Variants in RSL1D1 observed in about 807,000 individuals in gnomAD.
The protein encoded by RSL1D1 is ribosomal L1 domain-containing protein 1.
RSL1D1 carries 34 observed loss-of-function variants against 44.6 expected under a neutral mutation model. The observed-to-expected ratio is 0.76, with a 90% confidence interval of 0.58 to 1.02. The LOEUF (loss-of-function observed/expected upper bound fraction) is 1.02. Among genes scored for constraint, RSL1D1 ranks in the 50% least tolerant of loss-of-function variants. The probability of loss-of-function intolerance (pLI) is 0.00; values close to 1 mark genes in which losing one functional copy is unlikely to be tolerated. For synonymous variants in RSL1D1, 271 were observed against 207.4 expected (o/e 1.31, Z -2.63); for missense variants, 767 against 568.1 (o/e 1.35, Z -3.56).
chr16:11,837,641 C>A lies in RSL1D1; in HGVS notation c.*146G>T. 1 of 741,768 alleles carries A rather than the reference C, an allele frequency of 1.3e-6. No homozygotes were observed. The highest frequency in any genetic ancestry group is 2.2e-6 in the Non-Finnish European group (1 of 449,408). 45.9% of individuals were successfully genotyped at this position (741,768 alleles called of 1,614,324 possible). ...CTGGGATTACAGGCGTGAGCCACCG[C>A]CCCTGGACTACTTATGGAGGTTTTA... On this transcript the variant is annotated 3_prime_UTR_variant, in exon 9 of 9. Transcript: ENST00000571133.
intron 3 of RSL1D1, 83 bp downstream of exon 3, chr16:11,847,585 G>C: frequency 8.8e-7 from 1 of 1,141,090 alleles, no homozygotes; most frequent in South Asian, 1.5e-5. Context: ...AAAATACTAG[G>C]AAATATAGCA....
At position 11,837,773 on chromosome 16, in the gene RSL1D1, T is replaced by C. The variant is rs758028718; in HGVS notation, c.*14A>G. Reference sequence around the variant, plus strand: ...AGGCAGCATTGAGGTTTCCTTCCAGTTGAATCACTGACTTTAGGTCGACTG... The same window carrying C: ...AGGCAGCATTGAGGTTTCCTTCCAGCTGAATCACTGACTTTAGGTCGACTG... On this transcript the variant is annotated 3_prime_UTR_variant, in exon 9 of 9. Transcript: ENST00000571133. 4.4e-6 allele frequency: 7 copies of C among 1,587,152 alleles called. No individual in the cohort carries two copies. The highest frequency in any genetic ancestry group is 2.2e-5 in the East Asian group (1 of 44,634).
intron 8 of RSL1D1, among the ~76,000 whole-genome samples, chr16:11,838,461 C>T (rs1423706907): frequency 6.6e-6 from 1 of 152,088 alleles, no homozygotes; most frequent in Non-Finnish European, 1.5e-5. Context: ...CTGTGCCCGG[C>T]CAAGTTACTG....
chr16:11,851,276 C>G, intron 1 of RSL1D1, 132 bp downstream of exon 1: 1 of 836,784 alleles, frequency 1.2e-6, no homozygotes, highest in Non-Finnish European at 2.0e-6. Context: ...ACAGCTGAGG[C>G]ACACGGCCCG....
In RSL1D1 at chr16:11,851,421, A is replaced by C; in HGVS notation, c.92T>G (p.Leu31Arg). 1 of 1,614,072 alleles carries C rather than the reference A, an allele frequency of 6.2e-7. No individual in the cohort carries two copies. The highest frequency in any genetic ancestry group is 8.5e-7 in the Non-Finnish European group (1 of 1,179,938). ...GGAACCACTCACCTGTTCTTTATCC[A>C]GCTGCTTCCGTGCTGTCGGGGCCGC... ...TPAAPTARKQ[L>R]DKEQVRKAVD... The change falls in exon 1 of 9, where the codon CTG becomes CGG. Residue 31 changes from leucine (L) to arginine (R), a missense_variant. Physicochemically the swap from Leu to Arg is moderately radical, Grantham distance 102. Transcript: ENST00000571133.
At chr16:11,849,224 G>A (rs528230957) in intron 2 of RSL1D1, 3 of 152,110 alleles carry the variant, frequency 2.0e-5, no homozygotes, top group African/African-American at 7.2e-5. Flanking sequence ...TCTCCACAAA[G>A]ATTTCAAAAT....
chr16:11,848,254 A>C (rs1393982386), intron 2 of RSL1D1, among the ~76,000 whole-genome samples: 2 of 152,222 alleles, frequency 1.3e-5, no homozygotes, highest in African/African-American at 4.8e-5. Context: ...ACTCCGTCTC[A>C]AAACACAAAA....
In RSL1D1 at chr16:11,835,166, T is replaced by G. The variant is rs1055426526; in HGVS notation, c.*2621A>C. 1.3e-5 allele frequency: 2 copies of G among 152,102 alleles called. No individual in the cohort carries two copies. The highest frequency in any genetic ancestry group is 2.4e-5 in the African/African-American group (1 of 41,390). 9.4% of individuals were successfully genotyped at this position (152,102 alleles called of 1,614,324 possible). ...GCAAAAGCAGGCTAGACTCCTCTAATTTCAGGGAGAGCTAGATGTTTTTTT... is the reference window on the plus strand; with the variant it reads ...GCAAAAGCAGGCTAGACTCCTCTAAGTTCAGGGAGAGCTAGATGTTTTTTT... On this transcript the variant is annotated 3_prime_UTR_variant, in exon 9 of 9. Transcript: ENST00000571133.
chr16:11,851,300 C>T, intron 1 of RSL1D1, 108 bp downstream of exon 1: 1 of 1,065,156 alleles, frequency 9.4e-7, no homozygotes, highest in Non-Finnish European at 1.5e-6. Flanking sequence ...GCGACCGTCC[C>T]ACAGCCCCGG....
At chr16:11,843,184 C>T (rs1293022852) in intron 5 of RSL1D1, among the ~76,000 whole-genome samples, 1 of 151,528 alleles carries the variant, frequency 6.6e-6, no homozygotes, top group Non-Finnish European at 1.5e-5. Context: ...ATCCGCCTGC[C>T]TCGGCCTCTC....
chr16:11,839,596 A>C, intron 8 of RSL1D1, 99 bp downstream of exon 8: 1 of 1,500,204 alleles, frequency 6.7e-7, no homozygotes, highest in Non-Finnish European at 8.8e-7. Flanking sequence ...CTTTGGGTTC[A>C]CTCTAGTATT....
At chr16:11,841,365 G>T (rs1186748204) in intron 7 of RSL1D1, 1 of 221,870 alleles carries the variant, frequency 4.5e-6, no homozygotes, top group Non-Finnish European at 9.1e-6. Flanking sequence ...CCTTGATCAC[G>T]TCACTGTGCT....
chr16:11,847,278 G>A (rs1205685936), intron 3 of RSL1D1, among the ~76,000 whole-genome samples: 2 of 152,138 alleles, frequency 1.3e-5, no homozygotes, highest in East Asian at 1.9e-4. Flanking sequence ...GGTAGGCTGA[G>A]GTGGGAGAAT....
At chr16:11,847,313 T>G (rs2053805947) in intron 3 of RSL1D1, among the ~76,000 whole-genome samples, 1 of 152,124 alleles carries the variant, frequency 6.6e-6, no homozygotes, top group Non-Finnish European at 1.5e-5. Flanking sequence ...AGGTGGAGGT[T>G]GCAGTGAGCC....
chr16:11,849,345 A>T (rs1290462700), intron 2 of RSL1D1: 3 of 151,148 alleles, frequency 2.0e-5, no homozygotes, highest in Admixed American at 1.3e-4. Flanking sequence ...CACAGATCTC[A>T]CTATTGTACT....
At position 11,846,431 on chromosome 16, in the gene RSL1D1, G is replaced by C. The variant is rs1015499331; in HGVS notation, c.635+70C>G. The C allele has an allele frequency of 3.6e-6, 3 of 823,204 alleles. No homozygotes were observed. The East Asian group carries it at 7.9e-5, about 22-fold the overall frequency. 51.0% of individuals were successfully genotyped at this position (823,204 alleles called of 1,614,324 possible). ...ACAAAAACAAAAAACAAAACAAAAC[G>C]AATAAGTATATATAAAATCATTGTC... On this transcript the variant is annotated intron_variant, in intron 5 of 8. Transcript: ENST00000571133.
Position 11,834,816 on chromosome 16 carries a change from C to T in RSL1D1, c.*2971G>A, listed in dbSNP as rs2053705481. On this transcript the variant is annotated 3_prime_UTR_variant, in exon 9 of 9. Coordinates refer to ENST00000571133, the MANE Select transcript of RSL1D1 (RefSeq NM_015659.3). ...AAAGTTAACATTACAATTTGTGTTA[C>T]TAAAATGCAAAAACAGGATTGGCAT... is the stretch of plus-strand genomic sequence containing the variant. 6.6e-6 allele frequency: 1 copy of T among 152,178 alleles called. No individual in the cohort carries two copies. The highest frequency in any genetic ancestry group is 2.4e-5 in the African/African-American group (1 of 41,430). The allele number at this position is 152,178 out of a possible 1,614,324, so 9.4% of individuals were successfully genotyped here. A position where few individuals can be genotyped will look rare whatever the true frequency, so the allele number is the denominator to read the frequency against.
rs757989087 is a variant in RSL1D1 at position 11,851,438 on chromosome 16, C to T, written c.75G>A (p.Pro25=). ...TGTSTSTPAA[P]TARKQLDKEQ... is the part of the protein sequence containing the mutation. ...CTTTATCCAGCTGCTTCCGTGCTGT[C>T]GGGGCCGCTGGAGTCGAGGTGGAGG... The change falls in exon 1 of 9, where the codon CCG becomes CCA. Residue 25 remains proline, a synonymous_variant. Coordinates refer to ENST00000571133, the MANE Select transcript of RSL1D1 (RefSeq NM_015659.3). 2 of 1,614,116 alleles carry T rather than the reference C, an allele frequency of 1.2e-6. No homozygotes were observed. Among genetic ancestry groups the T allele is most frequent in the Non-Finnish European group, 1.7e-6 (2 of 1,179,970 alleles).
rs149735121 is a variant in RSL1D1 at position 11,838,024 on chromosome 16, T to C, written c.1236A>G (p.Ala412=). 2,942 of 1,614,038 alleles carry C rather than the reference T, an allele frequency of 1.8e-3. 8 individuals carry two copies. Among genetic ancestry groups the C allele is most frequent in the Admixed American group, 3.3e-3 (195 of 59,978 alleles). Residue 412 remains alanine, a synonymous_variant, in exon 9 of 9, where the codon GCA becomes GCG. Transcript: ENST00000571133. The part of the protein sequence containing the change: ...PRGKKRKALP[A]SETPKAAESE... ...ACTCTGCAGCTTTTGGGGTCTCAGA[T>C]GCTGGCAAAGCCTTTCTTTTCTTCC...
Sources: allele counts gnomAD v4.1 joint callset (sites outside exome capture counted in the v4.1 genomes callset), GRCh38; gene constraint gnomAD v4.1.1; transcripts MANE v1.5; gene names NCBI Gene and HGNC (gene_info 2026-07-23, HGNC 2026-07-21).